Variants in WDR17 observed in about 807,000 individuals in gnomAD.
WDR17 encodes the protein WD repeat domain 17.
Under a neutral mutation model 161.7 loss-of-function variants are expected in WDR17, and 143 were observed. The observed-to-expected ratio is 0.88, with a 90% CI of 0.77 to 1.02. WDR17 has a LOEUF of 1.02. WDR17 is among the 50% of genes least tolerant of loss of function. The pLI is 0.00. For missense variants in WDR17, 1,469 were observed against 1,520.9 expected, an observed-to-expected ratio of 0.97 and a Z score of 0.57; for synonymous variants, 517 against 515.6, an observed-to-expected ratio of 1.00 and a Z score of -0.04.
chr4:176,161,147 C>T (rs1169651577), intron 20 of WDR17, 145 bp downstream of exon 20: 6 of 527,246 alleles, frequency 1.1e-5, no homozygotes, highest in Non-Finnish European at 6.4e-6. Context: ...CAGTTCCATA[C>T]AGCATTTACT....
intron 3 of WDR17, among the ~76,000 whole-genome samples, chr4:176,118,079 ATGTAAAATGTAAAAAT>A (rs1408964193): frequency 6.6e-6 from 1 of 152,100 alleles, no homozygotes; most frequent in Non-Finnish European, 1.5e-5. Context: ...GTTTTTCCAA[ATGTAAAATGTAAAAAT>A]TGTCACCAAC....
chr4:176,142,112 G>A, intron 11 of WDR17, 43 bp downstream of exon 11: 1 of 1,525,046 alleles, frequency 6.6e-7, no homozygotes, highest in Non-Finnish European at 9.0e-7. Context: ...ACTACATTTT[G>A]GAAATTTTAA....
chr4:176,152,294 CA>C (rs397837505), intron 17 of WDR17, among the ~76,000 whole-genome samples: 8,647 of 71,940 alleles, frequency 0.12, 475 homozygotes, highest in African/African-American at 0.19. Context: ...GACCCTATCT[CA>C]AAAAAAAAAA....
At chr4:176,069,736 C>T (rs887934919) in intron 1 of WDR17, among the ~76,000 whole-genome samples, 5 of 152,066 alleles carry the variant, frequency 3.3e-5, no homozygotes, top group African/African-American at 1.2e-4. Flanking sequence ...ATATCACGCA[C>T]ACAGAAAACT....
intron 13 of WDR17, 136 bp from the exon 14 acceptor site, chr4:176,149,671 G>A (rs1746794881): frequency 2.1e-6 from 2 of 939,650 alleles, no homozygotes; most frequent in Admixed American, 2.9e-5. Context: ...AATGCAGATA[G>A]GTTGACTGAG....
intron 2 of WDR17, among the ~76,000 whole-genome samples, chr4:176,115,336 T>C (rs2126706136): frequency 6.6e-6 from 1 of 151,538 alleles, no homozygotes; most frequent in South Asian, 2.1e-4. Context: ...ATAAAAAGAG[T>C]GAATGACATC....
rs374099195 is a variant in WDR17 at position 176,175,426 on chromosome 4, A to C, written c.3449+708A>C. Among the ~76,000 whole-genome samples, 177 of 152,344 alleles carry C rather than the reference A, an allele frequency of 1.2e-3. 4 individuals are homozygous for C. In the South Asian group the frequency reaches 0.036, roughly 31 times the overall value. On this transcript the variant is annotated intron_variant, in intron 26 of 28. Transcript: ENST00000508596. Reference sequence around the variant, plus strand: ...TTAAAACTTCTTATACTATAAAATAAAATTCACGGTGCCTTCCATAAAAAC... The same window carrying C: ...TTAAAACTTCTTATACTATAAAATACAATTCACGGTGCCTTCCATAAAAAC...
chr4:176,150,608 C>A lies in WDR17; in HGVS notation c.2304+15C>A. On this transcript the variant is annotated intron_variant, in intron 16 of 28. Coordinates refer to ENST00000508596, the MANE Select transcript of WDR17 (RefSeq NM_181265.4). ...AATTTAGAACAGTGAGTAAAATATGCAAATATGATGTACTCAAGCAAATTT... is the reference window on the plus strand; with the variant it reads ...AATTTAGAACAGTGAGTAAAATATGAAAATATGATGTACTCAAGCAAATTT... 6.4e-7 allele frequency: 1 copy of A among 1,574,448 alleles called. No homozygotes were observed. Among genetic ancestry groups the A allele is most frequent in the Non-Finnish European group, 8.6e-7 (1 of 1,165,234 alleles).
chr4:176,073,983 T>C (rs1175070883), intron 1 of WDR17, among the ~76,000 whole-genome samples: 1 of 150,596 alleles, frequency 6.6e-6, no homozygotes, highest in Admixed American at 6.6e-5. Context: ...TTGAGTTCAT[T>C]GTAGATTCTG....
intron 1 of WDR17, among the ~76,000 whole-genome samples, chr4:176,100,840 G>A (rs894223530): frequency 6.6e-6 from 1 of 151,966 alleles, no homozygotes; most frequent in Non-Finnish European, 1.5e-5. Flanking sequence ...ATTGAAAAGG[G>A]TATCCTTTCC....
chr4:176,168,689 T>A lies in WDR17; in HGVS notation c.3008T>A (p.Leu1003His), dbSNP rs1198823390. The change falls in exon 23 of 29, where the codon CTT (leucine) becomes CAT (histidine). Residue 1003 changes from leucine (L) to histidine (H), a missense_variant. By Grantham distance (99) the Leu-to-His change is moderately conservative (BLOSUM62 -3). Transcript: ENST00000508596. Reference sequence around the variant, plus strand: ...GTTAACAGGAATTTGGCAGCTGATCTTCTTCTGATGATTCCTGATAATGAA... The same window carrying A: ...GTTAACAGGAATTTGGCAGCTGATCATCTTCTGATGATTCCTGATAATGAA... ...MISVWNLAADLLLMIPDNELH... is the reference protein window; with the variant it reads ...MISVWNLAADHLLMIPDNELH... 13 of 1,612,846 alleles carry A rather than the reference T, an allele frequency of 8.1e-6. No individual in the cohort carries two copies. Among genetic ancestry groups the A allele is most frequent in the East Asian group, 2.2e-5 (1 of 44,794 alleles).
At chr4:176,100,140 GT>G (rs1737583150) in intron 1 of WDR17, among the ~76,000 whole-genome samples, 1 of 152,042 alleles carries the variant, frequency 6.6e-6, no homozygotes, top group Non-Finnish European at 1.5e-5. Flanking sequence ...TCTAATTTTA[GT>G]TATTTGTGAA....
Position 176,146,170 on chromosome 4 carries a change from T to C in WDR17, c.1694+11T>C. 2 of 1,607,900 alleles carry C rather than the reference T, an allele frequency of 1.2e-6. No homozygotes were observed. Among genetic ancestry groups the C allele is most frequent in the Non-Finnish European group, 8.5e-7 (1 of 1,177,524 alleles). ...TGGTTCTGATGATGGGTATGTATTT[T>C]TGGATTCTAATTTTCTAGTCCTTAA... On this transcript the variant is annotated intron_variant, in intron 12 of 28. Transcript: ENST00000508596.
intron 3 of WDR17, among the ~76,000 whole-genome samples, 178 bp from the exon 4 acceptor site, chr4:176,119,689 T>C (rs1741229762): frequency 6.6e-6 from 1 of 152,234 alleles, no homozygotes; most frequent in African/African-American, 2.4e-5. Flanking sequence ...TCATGGACTT[T>C]CCCTGCCTAT....
chr4:176,119,118 A>G (rs1741132139), intron 3 of WDR17, among the ~76,000 whole-genome samples: 1 of 152,106 alleles, frequency 6.6e-6, no homozygotes, highest in Non-Finnish European at 1.5e-5. Context: ...AATTTCTCAT[A>G]ATACTTATTT....
intron 1 of WDR17, among the ~76,000 whole-genome samples, chr4:176,102,145 A>G (rs1028097997): frequency 7.9e-5 from 12 of 152,186 alleles, no homozygotes; most frequent in African/African-American, 2.9e-4. Flanking sequence ...TATACAAATA[A>G]TTTATATAAC....
chr4:176,153,544 A>G (rs1376647511), intron 17 of WDR17, among the ~76,000 whole-genome samples: 1 of 152,142 alleles, frequency 6.6e-6, no homozygotes, highest in Non-Finnish European at 1.5e-5. Context: ...CCTTTTCTGT[A>G]TATGCATTTT....
intron 5 of WDR17, among the ~76,000 whole-genome samples, chr4:176,127,435 T>A (rs1459047267): frequency 1.3e-5 from 2 of 151,780 alleles, no homozygotes; most frequent in Admixed American, 6.6e-5. Flanking sequence ...GAGATTGCAC[T>A]GTGGTGCATG....
intron 1 of WDR17, among the ~76,000 whole-genome samples, chr4:176,090,256 T>TA (rs202133700): frequency 0.048 from 6,341 of 132,448 alleles, 368 homozygotes; most frequent in African/African-American, 0.15. Context: ...CTGGTTGTTT[T>TA]AAAAAAAAAA....
Sources: gnomAD v4.1 joint callset for allele counts (sites outside exome capture counted in the v4.1 genomes callset) on GRCh38, gnomAD v4.1.1 for gene constraint, MANE v1.5 for transcripts, NCBI Gene and HGNC (gene_info 2026-07-23, HGNC 2026-07-21) for gene names.